The following FGF6 variants were observed in gnomAD, a reference collection of about 807,000 sequenced individuals.
The protein encoded by FGF6 is FGF-6.
A neutral mutation model predicts 18.4 loss-of-function variants in FGF6; 14 were observed. The observed-to-expected ratio is 0.76, with a 90% confidence interval of 0.50 to 1.19. The LOEUF is 1.19. FGF6 is among the 50% of genes most tolerant of loss of function. The pLI is 0.00. For synonymous variants in FGF6, 125 were observed against 116.7 expected (o/e 1.07, Z -0.46); for missense variants, 266 against 271.6 (o/e 0.98, Z 0.15).
intron 2 of FGF6, among the ~76,000 whole-genome samples, chr12:4,441,127 A>G (rs970973702): frequency 3.3e-5 from 5 of 152,240 alleles, no homozygotes; most frequent in African/African-American, 1.2e-4. Flanking sequence ...CAACCAAAGG[A>G]TTCTAATAGA....
At chr12:4,444,077 A>G (rs2137031444) in intron 2 of FGF6, 56 bp downstream of exon 2, 5 of 1,127,902 alleles carry the variant, frequency 4.4e-6, no homozygotes, top group Middle Eastern at 3.9e-4. Context: ...ATTTTCTTCA[A>G]CTGTGTAAGC....
chr12:4,445,261 C>G lies in FGF6; in HGVS notation c.310G>C (p.Gly104Arg). 1 of 1,613,740 alleles carries G rather than the reference C, an allele frequency of 6.2e-7. No homozygotes were observed. The highest frequency in any genetic ancestry group is 8.5e-7 in the Non-Finnish European group (1 of 1,179,940). ...TCCTCGTGGGTCCCGCTGATCCGGCCGTCGGGGAGCACCTGGAGGTGAAAG... is the reference window on the plus strand; with the variant it reads ...TCCTCGTGGGTCCCGCTGATCCGGCGGTCGGGGAGCACCTGGAGGTGAAAG... ...IGFHLQVLPD[G>R]RISGTHEENP... The change falls in exon 1 of 3, where the codon GGC becomes CGC. Residue 104 changes from glycine (G) to arginine (R), a missense_variant. Transcript: ENST00000228837. The surrounding 1 kb of genome is among the most constrained non-coding windows in gnomAD (Gnocchi z 5.5).
At chr12:4,444,280 T>A in intron 1 of FGF6, 44 bp from the exon 2 acceptor site, 1 of 1,374,424 alleles carries the variant, frequency 7.3e-7, no homozygotes, top group Admixed American at 1.7e-5. Context: ...CTTGTGCAAA[T>A]CAGAGTGGGA....
intron 2 of FGF6, among the ~76,000 whole-genome samples, chr12:4,438,923 A>G (rs1865655161): frequency 6.6e-6 from 1 of 152,156 alleles, no homozygotes; most frequent in Non-Finnish European, 1.5e-5. Context: ...AAGTGTTGGC[A>G]TAGTACGCTC....
At chr12:4,440,542 T>G (rs1865678633) in intron 2 of FGF6, among the ~76,000 whole-genome samples, 1 of 152,240 alleles carries the variant, frequency 6.6e-6, no homozygotes. Context: ...CCTGACTGCT[T>G]CTTTTCCTGT....
At chr12:4,435,017 G>C (rs1442350905) in intron 2 of FGF6, among the ~76,000 whole-genome samples, 4 of 151,772 alleles carry the variant, frequency 2.6e-5, no homozygotes, top group Non-Finnish European at 5.9e-5. Flanking sequence ...CTGTCTCTTT[G>C]TTTCTGCTTG....
intron 2 of FGF6, 90 bp from the exon 3 acceptor site, chr12:4,434,481 G>T: frequency 8.1e-7 from 1 of 1,237,754 alleles, no homozygotes; most frequent in Non-Finnish European, 1.2e-6. Flanking sequence ...AGGCCCCTCT[G>T]CCAGGTGCCC....
At chr12:4,444,310 T>A in intron 1 of FGF6, 74 bp from the exon 2 acceptor site, 1 of 921,976 alleles carries the variant, frequency 1.1e-6, no homozygotes. Flanking sequence ...GACAAGGGCA[T>A]CTCAGTCCAT....
rs1402701184 is a variant in FGF6, at chr12:4,434,227, A to G, written c.615T>C (p.Leu205=). Residue 205 remains leucine, a synonymous_variant, in exon 3 of 3, where the codon CTT becomes CTC. Transcript: ENST00000228837. Reference sequence around the variant, plus strand: ...CTTTTGTGGGTCCTTAGATCCTGGGAAGGAAATGAGTGACAGTCATGATCG... The same window carrying G: ...CTTTTGTGGGTCCTTAGATCCTGGGGAGGAAATGAGTGACAGTCATGATCG... ...VSPIMTVTHF[L]PRI 6.2e-7 allele frequency: 1 copy of G among 1,613,960 alleles called. No homozygotes were observed. The highest frequency in any genetic ancestry group is 8.5e-7 in the Non-Finnish European group (1 of 1,179,998).
At chr12:4,443,330 G>T (rs1438697512) in intron 2 of FGF6, among the ~76,000 whole-genome samples, 2 of 152,134 alleles carry the variant, frequency 1.3e-5, no homozygotes, top group Admixed American at 1.3e-4. Flanking sequence ...CTGCTCTGAG[G>T]TCTTCCTTTT....
chr12:4,441,949 G>A (rs1865696114), intron 2 of FGF6, among the ~76,000 whole-genome samples: 1 of 151,988 alleles, frequency 6.6e-6, no homozygotes, highest in Non-Finnish European at 1.5e-5. Context: ...CCCCAGGCTT[G>A]GGGCACAGCT....
intron 2 of FGF6, among the ~76,000 whole-genome samples, chr12:4,443,792 G>A (rs891161729): frequency 2.6e-5 from 4 of 152,186 alleles, no homozygotes; most frequent in African/African-American, 9.7e-5. Flanking sequence ...TGCTCTCGGG[G>A]CCTCGCCAGT....
At chr12:4,437,056 C>T (rs1016007793) in intron 2 of FGF6, among the ~76,000 whole-genome samples, 3 of 152,194 alleles carry the variant, frequency 2.0e-5, no homozygotes, top group African/African-American at 7.2e-5. Flanking sequence ...CTCTTAGCTA[C>T]GTGAGCCTGG....
intron 2 of FGF6, among the ~76,000 whole-genome samples, chr12:4,440,164 G>C (rs1321064123): frequency 3.3e-5 from 5 of 152,154 alleles, no homozygotes; most frequent in African/African-American, 9.7e-5. Flanking sequence ...CACATTTCCT[G>C]GGCCTGCCAG....
In FGF6 at chr12:4,445,715, G is replaced by A. The variant is rs540092364; in HGVS notation, c.-145C>T. On this transcript the variant is annotated 5_prime_UTR_variant, in exon 1 of 3. Transcript: ENST00000228837. The surrounding 1 kb of genome is among the most constrained non-coding windows in gnomAD (Gnocchi z 5.5). ...GACATGAAACCAAAGCCTCCATCGGGCACTCGGGTTGAGAGCAGAGGGACC... is the reference window on the plus strand; with the variant it reads ...GACATGAAACCAAAGCCTCCATCGGACACTCGGGTTGAGAGCAGAGGGACC... 1.9e-5 allele frequency: 13 copies of A among 690,380 alleles called. No individual in the cohort carries two copies. The South Asian group carries it at 2.3e-4, about 12-fold the overall frequency. 42.8% of individuals were successfully genotyped at this position (690,380 alleles called of 1,614,324 possible). A position where few individuals can be genotyped will look rare whatever the true frequency, so the allele number is the denominator to read the frequency against.
rs113868736 is a variant in FGF6, at chr12:4,437,368, T to C, written c.451-2977A>G. ...AGCTTTTAAGCTCTGCGGTTTTTGA[T>C]GGAGTGCCTGGGAGACAGTAAGCTT... On this transcript the variant is annotated intron_variant, in intron 2 of 2. Coordinates refer to ENST00000228837, the MANE Select transcript of FGF6 (RefSeq NM_020996.3). 8.5e-3 allele frequency among the ~76,000 whole-genome samples: 1,289 copies of C among 152,290 alleles called. 22 individuals carry two copies. The highest frequency in any genetic ancestry group is 0.028 in the African/African-American group (1,149 of 41,546).
chr12:4,440,559 C>T (rs1362719523), intron 2 of FGF6, among the ~76,000 whole-genome samples: 1 of 152,226 alleles, frequency 6.6e-6, no homozygotes, highest in Admixed American at 6.5e-5. Flanking sequence ...CTGTCTTTAG[C>T]TGAAATATCA....
intron 2 of FGF6, among the ~76,000 whole-genome samples, chr12:4,438,703 G>A (rs754388319): frequency 2.0e-5 from 3 of 147,134 alleles, no homozygotes; most frequent in Non-Finnish European, 4.5e-5. Context: ...GGAGATTGCA[G>A]TGGGCCAAGA....
chr12:4,440,571 C>G (rs1157639795), intron 2 of FGF6, among the ~76,000 whole-genome samples: 3 of 152,218 alleles, frequency 2.0e-5, no homozygotes, highest in African/African-American at 7.2e-5. Context: ...GAAATATCAT[C>G]AGCTCTGAAG....
Sources: gnomAD v4.1 joint callset for allele counts (sites outside exome capture counted in the v4.1 genomes callset) on GRCh38, gnomAD v4.1.1 for gene constraint, Gnocchi (gnomAD v3.1) non-coding constraint, MANE v1.5 for transcripts, NCBI Gene and HGNC (gene_info 2026-07-23, HGNC 2026-07-21) for gene names.